SLC31A2: variants seen among roughly 807,000 people sequenced by gnomAD.
SLC31A2 encodes solute carrier family 31 member 2.
In SLC31A2, 16 loss-of-function variants were observed where a neutral mutation model predicts 14.4. The ratio of observed to expected loss-of-function variants is 1.11; its 90% confidence interval spans 0.75 to 1.69. The LOEUF (loss-of-function observed/expected upper bound fraction) is 1.69. Among genes scored for constraint, SLC31A2 ranks in the 40% most tolerant of loss-of-function variants. SLC31A2 has a pLI of 0.00. For synonymous variants in SLC31A2, 56 were observed against 68.7 expected (o/e 0.82, Z 0.91); for missense variants, 140 against 173.9 (o/e 0.81, Z 1.10).
chr9:113,152,972 C>T (rs1829887079), intron 1 of SLC31A2, among the ~76,000 whole-genome samples: 1 of 152,138 alleles, frequency 6.6e-6, no homozygotes, highest in Non-Finnish European at 1.5e-5. Flanking sequence ...TGATGGGTGT[C>T]ACCCCTACCT....
chr9:113,162,678 C>A (rs138621751), intron 3 of SLC31A2, 71 bp from the exon 4 acceptor site: 5 of 1,419,034 alleles, frequency 3.5e-6, no homozygotes, highest in Non-Finnish European at 4.8e-6. Flanking sequence ...TTTCTACTCC[C>A]TGATATCTAC....
At chr9:113,161,376 C>T (rs867525411) in intron 2 of SLC31A2, 133 bp from the exon 3 acceptor site, 17 of 805,914 alleles carry the variant, frequency 2.1e-5, no homozygotes, top group Middle Eastern at 3.6e-4. Flanking sequence ...TGAAGAAGTT[C>T]GGAACTCAGC....
At chr9:113,155,405 A>G (rs1587939409) in intron 1 of SLC31A2, among the ~76,000 whole-genome samples, 1 of 152,274 alleles carries the variant, frequency 6.6e-6, no homozygotes, top group East Asian at 1.9e-4. Flanking sequence ...AATGGAGCTA[A>G]GAATAATAAT....
chr9:113,152,585 C>A (rs2118823387), intron 1 of SLC31A2, among the ~76,000 whole-genome samples: 1 of 152,334 alleles, frequency 6.6e-6, no homozygotes, highest in East Asian at 1.9e-4. Flanking sequence ...TGGTCCCCAG[C>A]ACCCCCAGGG....
intron 1 of SLC31A2, chr9:113,152,213 GAAAAAAGCACAA>G (rs1361022294): frequency 6.6e-6 from 1 of 152,170 alleles, no homozygotes; most frequent in African/African-American, 2.4e-5. Flanking sequence ...GCCCCACCCT[GAAAAAAGCACAA>G]ATCAGTTAAA....
At chr9:113,162,712 C>T (rs779550297) in intron 3 of SLC31A2, 37 bp from the exon 4 acceptor site, 4 of 1,583,568 alleles carry the variant, frequency 2.5e-6, no homozygotes, top group Non-Finnish European at 3.4e-6. Context: ...ATTACCAGCT[C>T]ATTACCAGGA....
At chr9:113,161,804 C>G in intron 3 of SLC31A2, 106 bp downstream of exon 3, 1 of 1,289,772 alleles carries the variant, frequency 7.8e-7, no homozygotes. Context: ...ACAGCGAGGC[C>G]CAGGGAAGGA....
chr9:113,161,959 G>A, intron 3 of SLC31A2: 1 of 567,270 alleles, frequency 1.8e-6, no homozygotes, highest in Non-Finnish European at 3.2e-6. Context: ...TCAGGTGCAG[G>A]CCCCTATCTA....
intron 1 of SLC31A2, among the ~76,000 whole-genome samples, chr9:113,154,083 C>T (rs556341327): frequency 6.6e-6 from 1 of 152,306 alleles, no homozygotes; most frequent in Admixed American, 6.5e-5. Context: ...GTGATCCTCC[C>T]ACCTCAGCAC....
intron 1 of SLC31A2, among the ~76,000 whole-genome samples, chr9:113,152,529 C>G (rs1485433838): frequency 6.6e-6 from 1 of 152,236 alleles, no homozygotes; most frequent in Non-Finnish European, 1.5e-5. Context: ...TCAGAACCAT[C>G]CTAGCCAACT....
intron 1 of SLC31A2, among the ~76,000 whole-genome samples, chr9:113,157,408 G>A (rs972357872): frequency 6.6e-6 from 1 of 152,242 alleles, no homozygotes; most frequent in Non-Finnish European, 1.5e-5. Context: ...AGTTGCACTT[G>A]GAAGGCATGG....
At position 113,163,093 on chromosome 9, in the gene SLC31A2, A is replaced by C; in HGVS notation, c.*176A>C. The C allele has an allele frequency of 1.8e-6, 1 of 557,664 alleles. No individual in the cohort carries two copies. The highest frequency in any genetic ancestry group is 3.0e-6 in the Non-Finnish European group (1 of 329,304). 34.5% of individuals were successfully genotyped at this position (557,664 alleles called of 1,614,324 possible). A position where few individuals can be genotyped will look rare whatever the true frequency, so the allele number is the denominator to read the frequency against. The stretch of plus-strand genomic sequence containing the variant: ...CTGGAGTTCGGAAGCCATTGCAGCA[A>C]CCTTCCTTCTCAGCCAGCCTACGTA... On this transcript the variant is annotated 3_prime_UTR_variant, in exon 4 of 4. Transcript: ENST00000259392.
chr9:113,159,526 C>CA (rs1482668715), intron 2 of SLC31A2, among the ~76,000 whole-genome samples: 2 of 152,168 alleles, frequency 1.3e-5, no homozygotes, highest in Non-Finnish European at 2.9e-5. Context: ...CTGCATCTGT[C>CA]AGATGATTTC....
chr9:113,153,289 T>A (rs2118824464), intron 1 of SLC31A2, among the ~76,000 whole-genome samples: 1 of 152,206 alleles, frequency 6.6e-6, no homozygotes, highest in Non-Finnish European at 1.5e-5. Flanking sequence ...TTTTTTAAAG[T>A]CTTCAACATG....
intron 1 of SLC31A2, chr9:113,155,975 G>A (rs1232812308): frequency 3.9e-6 from 2 of 509,558 alleles, no homozygotes; most frequent in South Asian, 2.8e-5. Flanking sequence ...TGTTGAGAGG[G>A]GGAGGATTGG....
Position 113,164,026 on chromosome 9 carries a change from A to C in SLC31A2, c.*1109A>C, listed in dbSNP as rs915227931. On this transcript the variant is annotated 3_prime_UTR_variant, in exon 4 of 4. Coordinates refer to ENST00000259392, the MANE Select transcript of SLC31A2 (RefSeq NM_001860.3). ...CTTCACTTTATAAAAAAGGAAAGAGAGAAAATCACTGCTGTATACTAAATA... is the reference window on the plus strand; with the variant it reads ...CTTCACTTTATAAAAAAGGAAAGAGCGAAAATCACTGCTGTATACTAAATA... 1.3e-5 allele frequency: 2 copies of C among 152,656 alleles called. No homozygotes were observed. The highest frequency in any genetic ancestry group is 4.8e-5 in the African/African-American group (2 of 41,456). The allele number at this position is 152,656 out of a possible 1,614,324, so 9.5% of individuals were successfully genotyped here. A position where few individuals can be genotyped will look rare whatever the true frequency, so the allele number is the denominator to read the frequency against.
At chr9:113,158,783 A>G (rs1829967798) in intron 2 of SLC31A2, among the ~76,000 whole-genome samples, 1 of 152,178 alleles carries the variant, frequency 6.6e-6, no homozygotes, top group African/African-American at 2.4e-5. Context: ...TTCTACCTTT[A>G]TTGGCTGAAG....
intron 1 of SLC31A2, chr9:113,152,236 CT>C (rs1829878313): frequency 6.6e-6 from 1 of 152,282 alleles, no homozygotes; most frequent in Admixed American, 6.5e-5. Flanking sequence ...ATCAGTTAAA[CT>C]TTCAGAGGCC....
Position 113,163,849 on chromosome 9 carries a change from C to T in SLC31A2, c.*932C>T, listed in dbSNP as rs1830056767. Reference sequence around the variant, plus strand: ...AATACTTAATATTCTCTATTTATTACTTACTGCTTACTCGTAATGATCTAG... The same window carrying T: ...AATACTTAATATTCTCTATTTATTATTTACTGCTTACTCGTAATGATCTAG... On this transcript the variant is annotated 3_prime_UTR_variant, in exon 4 of 4. Transcript: ENST00000259392. The T allele has an allele frequency of 6.6e-6, 1 of 152,642 alleles. No individual in the cohort carries two copies. Among genetic ancestry groups the T allele is most frequent in the Admixed American group, 6.5e-5 (1 of 15,282 alleles). The allele number at this position is 152,642 out of a possible 1,614,324, so 9.5% of individuals were successfully genotyped here.
Sources: allele counts gnomAD v4.1 joint callset (sites outside exome capture counted in the v4.1 genomes callset), GRCh38; gene constraint gnomAD v4.1.1; transcripts MANE v1.5; gene names NCBI Gene and HGNC (gene_info 2026-07-23, HGNC 2026-07-21).